NUP37: variants seen among roughly 807,000 people sequenced by gnomAD.
NUP37 encodes the protein nucleoporin Nup37.
Under a neutral mutation model 45.4 loss-of-function variants are expected in NUP37, and 33 were observed. The ratio of observed to expected loss-of-function variants is 0.73; its 90% CI spans 0.55 to 0.97. The LOEUF (loss-of-function observed/expected upper bound fraction) is 0.97. Ranked by LOEUF, NUP37 falls within the 50% of genes least tolerant of loss-of-function variation. NUP37 has a pLI of 0.00. For synonymous variants in NUP37, 127 were observed against 130.7 expected, an observed-to-expected ratio of 0.97 and a Z score of 0.19; for missense variants, 365 against 389.7, an observed-to-expected ratio of 0.94 and a Z score of 0.53.
At chr12:102,119,149 C>G (rs1257377920) in intron 1 of NUP37, 1 of 152,164 alleles carries the variant, frequency 6.6e-6, no homozygotes, top group African/African-American at 2.4e-5. Context: ...TGAAGGAGAC[C>G]ACAGTTTAGG....
In NUP37 at chr12:102,073,207, G is replaced by A. The variant is rs184287649; in HGVS notation, c.*1147C>T. On this transcript the variant is annotated 3_prime_UTR_variant, in exon 10 of 10. Coordinates refer to ENST00000552283, the MANE Select transcript of NUP37 (RefSeq NM_024057.4). ...GAAGCTTCAAAAAGGGCATTAACTT[G>A]CAGGAATGGGCAGTTTGTCAAAATG... is the stretch of plus-strand genomic sequence containing the variant. 3.3e-5 allele frequency: 5 copies of A among 152,262 alleles called. No homozygotes were observed. The highest frequency in any genetic ancestry group is 1.2e-4 in the African/African-American group (5 of 41,546). The allele number at this position is 152,262 out of a possible 1,614,324, so 9.4% of individuals were successfully genotyped here. A position where few individuals can be genotyped will look rare whatever the true frequency, so the allele number is the denominator to read the frequency against.
chr12:102,117,220 G>A (rs1473732700), intron 2 of NUP37, among the ~76,000 whole-genome samples: 2 of 152,078 alleles, frequency 1.3e-5, no homozygotes, highest in Non-Finnish European at 2.9e-5. Flanking sequence ...TTGGGAGGCC[G>A]AGGTAGGCAA....
At chr12:102,101,169 C>T in intron 3 of NUP37, 65 bp from the exon 4 acceptor site, 1 of 797,680 alleles carries the variant, frequency 1.3e-6, no homozygotes, top group Admixed American at 2.8e-5. Flanking sequence ...CTCCCCCTCC[C>T]CCCCATCCTT....
intron 3 of NUP37, among the ~76,000 whole-genome samples, chr12:102,104,384 T>C (rs752399155): frequency 2.8e-4 from 42 of 152,228 alleles, no homozygotes; most frequent in Admixed American, 1.2e-3. Context: ...CCTTGTTAGG[T>C]ATATGGGTTG....
intron 8 of NUP37, among the ~76,000 whole-genome samples, chr12:102,075,566 C>A (rs546721558): frequency 6.6e-6 from 1 of 152,168 alleles, no homozygotes; most frequent in South Asian, 2.1e-4. Context: ...ACCGGGAATT[C>A]CAGGAAAATA....
chr12:102,103,624 C>A (rs1018709071), intron 3 of NUP37, among the ~76,000 whole-genome samples: 4 of 151,988 alleles, frequency 2.6e-5, no homozygotes, highest in African/African-American at 9.7e-5. Context: ...ACTATGTTGA[C>A]AAAATACTAG....
chr12:102,079,290 C>T (rs1009823298), intron 6 of NUP37: 19 of 454,004 alleles, frequency 4.2e-5, no homozygotes, highest in South Asian at 1.4e-4. Flanking sequence ...TCTTTAAGAA[C>T]GTACTTTTGT....
In NUP37 at chr12:102,074,422, G is replaced by A. The variant is rs1312710844; in HGVS notation, c.913C>T (p.His305Tyr). The change falls in exon 10 of 10, where the codon CAT becomes TAT. Residue 305 changes from histidine (H) to tyrosine (Y), a missense_variant. Transcript: ENST00000552283. The part of the protein sequence containing the change: ...SVAVGSGLSW[H>Y]RTLPLCVIGG... ...ATTACACACAGAGGGAGAGTTCGAT[G>A]CCAGGACAGTCCAGATCCAACGGCT... 6 of 1,612,958 alleles carry A rather than the reference G, an allele frequency of 3.7e-6. No homozygotes were observed. In the African/African-American group the frequency reaches 4.0e-5, roughly 11 times the overall value.
chr12:102,080,201 C>T (rs1879294039), intron 6 of NUP37, among the ~76,000 whole-genome samples: 2 of 152,096 alleles, frequency 1.3e-5, no homozygotes, highest in Admixed American at 1.3e-4. Flanking sequence ...GGAATTATTT[C>T]AGAATATAGA....
intron 4 of NUP37, 140 bp downstream of exon 4, chr12:102,100,892 A>G: frequency 3.8e-6 from 2 of 522,798 alleles, no homozygotes; most frequent in Non-Finnish European, 6.8e-6. Flanking sequence ...AACCTATAGT[A>G]GAGTAAATGA....
intron 6 of NUP37, among the ~76,000 whole-genome samples, chr12:102,080,663 C>T (rs1879307392): frequency 6.6e-6 from 1 of 152,136 alleles, no homozygotes. Context: ...ATTCACGTAA[C>T]TTGTACAAGG....
At chr12:102,084,625 G>A (rs1241144229) in intron 6 of NUP37, among the ~76,000 whole-genome samples, 1 of 151,968 alleles carries the variant, frequency 6.6e-6, no homozygotes, top group Non-Finnish European at 1.5e-5. Context: ...ATGAAACTTG[G>A]GGCCATGCTT....
intron 3 of NUP37, 145 bp downstream of exon 3, chr12:102,111,963 T>C: frequency 1.4e-6 from 1 of 693,578 alleles, no homozygotes; most frequent in South Asian, 2.2e-5. Context: ...CCTAAATTAT[T>C]AAGTAGTAGC....
At chr12:102,112,036 G>A (rs543663912) in intron 3 of NUP37, 72 bp downstream of exon 3, 1 of 1,399,598 alleles carries the variant, frequency 7.1e-7, no homozygotes, top group South Asian at 1.3e-5. Flanking sequence ...AAGTATCTAT[G>A]ATCAGACTTC....
chr12:102,074,405 C>A lies in NUP37; in HGVS notation c.930G>T (p.Leu310=), dbSNP rs1387283397. 3 of 1,613,126 alleles carry A rather than the reference C, an allele frequency of 1.9e-6. No individual in the cohort carries two copies. In the Admixed American group the frequency reaches 5.0e-5, roughly 27 times the overall value. ...SGLSWHRTLP[L]CVIGGDHKLL... is the part of the protein sequence containing the mutation. Reference sequence around the variant, plus strand: ...GCTTGTGGTCTCCTCCAATTACACACAGAGGGAGAGTTCGATGCCAGGACA... The same window carrying A: ...GCTTGTGGTCTCCTCCAATTACACAAAGAGGGAGAGTTCGATGCCAGGACA... The change falls in exon 10 of 10, where the codon CTG becomes CTT. Residue 310 remains leucine (L), a synonymous_variant. Coordinates refer to ENST00000552283, the MANE Select transcript of NUP37 (RefSeq NM_024057.4).
intron 5 of NUP37, among the ~76,000 whole-genome samples, chr12:102,088,902 T>C (rs1171213725): frequency 6.6e-6 from 1 of 151,798 alleles, no homozygotes; most frequent in East Asian, 1.9e-4. Context: ...GATTAGGGAG[T>C]GGTGATGACT....
At chr12:102,080,296 C>T (rs1879296223) in intron 6 of NUP37, among the ~76,000 whole-genome samples, 1 of 152,192 alleles carries the variant, frequency 6.6e-6, no homozygotes, top group Non-Finnish European at 1.5e-5. Flanking sequence ...GTGGCAAGCA[C>T]TTGTAGTCCC....
At chr12:102,098,166 A>C (rs923224037) in intron 5 of NUP37, among the ~76,000 whole-genome samples, 3 of 152,120 alleles carry the variant, frequency 2.0e-5, no homozygotes, top group Non-Finnish European at 4.4e-5. Flanking sequence ...TGACTGATGC[A>C]CTCATTTCAC....
At chr12:102,078,654 G>A (rs777608451) in intron 6 of NUP37, among the ~76,000 whole-genome samples, 2 of 152,164 alleles carry the variant, frequency 1.3e-5, no homozygotes, top group Non-Finnish European at 2.9e-5. Flanking sequence ...AATGGAGATG[G>A]GAGGATAAGA....
Sources: allele counts gnomAD v4.1 joint callset (sites outside exome capture counted in the v4.1 genomes callset), GRCh38; gene constraint gnomAD v4.1.1; transcripts MANE v1.5; gene names NCBI Gene and HGNC (gene_info 2026-07-23, HGNC 2026-07-21).